REV1: variants seen among roughly 807,000 people sequenced by gnomAD.
REV1 encodes translesion synthesis protein REV1.
In REV1, 42 loss-of-function variants were observed where a neutral mutation model predicts 137.4. That is an observed-to-expected ratio of 0.31 (90% CI 0.24 to 0.40). REV1 has a LOEUF of 0.40. Among genes scored for constraint, REV1 ranks in the 10% least tolerant of loss-of-function variants. The pLI is 1.00. For synonymous variants in REV1, 524 were observed against 519.2 expected, an observed-to-expected ratio of 1.01 and a Z score of -0.12; for missense variants, 1,282 against 1,490.1, an observed-to-expected ratio of 0.86 and a Z score of 2.30.
At chr2:99,487,978 G>A (rs1468064076) in intron 1 of REV1, among the ~76,000 whole-genome samples, 1 of 118,632 alleles carries the variant, frequency 8.4e-6, no homozygotes, top group East Asian at 2.2e-4. Context: ...AGCTACCCAA[G>A]GTGGGAAATG....
At chr2:99,415,989 A>T (rs1022750600) in intron 12 of REV1, among the ~76,000 whole-genome samples, 1 of 152,274 alleles carries the variant, frequency 6.6e-6, no homozygotes, top group South Asian at 2.1e-4. Context: ...CACAATTATT[A>T]TTCTGTGGAG....
intron 19 of REV1, 39 bp downstream of exon 19, chr2:99,403,656 T>C (rs1285313231): frequency 6.2e-7 from 1 of 1,613,630 alleles, no homozygotes; most frequent in African/African-American, 1.3e-5. Context: ...CCATTACTCT[T>C]TGTCTTCATT....
intron 11 of REV1, among the ~76,000 whole-genome samples, chr2:99,420,274 G>A (rs761772291): frequency 3.3e-5 from 5 of 152,272 alleles, no homozygotes; most frequent in East Asian, 1.9e-4. Context: ...CCTGCTGGCT[G>A]GGGAGAGACT....
rs745379675 is a variant in REV1, at chr2:99,403,723, G to C, written c.3138C>G (p.Ser1046Arg). The change falls in exon 19 of 23, where the codon AGC becomes AGG. Residue 1046 changes from serine (S) to arginine (R), a missense_variant. Around this residue, in one of 7 missense-constraint regions of REV1, gnomAD observed 170 missense variants for 156.8 expected, o/e 1.08. Coordinates refer to ENST00000258428, the MANE Select transcript of REV1 (RefSeq NM_016316.4). ...ATGCGCTGGCTGACTGCTGGTGAGT[G>C]CTGTTCTCGCCCTGCCTTTGTCTTT... is the stretch of plus-strand genomic sequence containing the variant. ...YDQRQRQGEN[S>R]THQQSASASV... is the part of the protein sequence containing the mutation. The C allele has an allele frequency of 6.2e-7, 1 of 1,614,164 alleles. No individual in the cohort carries two copies. Among genetic ancestry groups the C allele is most frequent in the Non-Finnish European group, 8.5e-7 (1 of 1,180,018 alleles).
At chr2:99,420,388 C>A (rs1050394675) in intron 11 of REV1, among the ~76,000 whole-genome samples, 7 of 152,214 alleles carry the variant, frequency 4.6e-5, no homozygotes, top group African/African-American at 1.7e-4. Context: ...TGTCCCAGGG[C>A]CAGCTACCAG....
intron 20 of REV1, 37 bp from the exon 21 acceptor site, chr2:99,402,837 C>A (rs368434155): frequency 1.2e-6 from 2 of 1,613,228 alleles, no homozygotes; most frequent in Non-Finnish European, 1.7e-6. Context: ...GCTATATTCA[C>A]ACATTATCCA....
intron 1 of REV1, among the ~76,000 whole-genome samples, chr2:99,474,478 A>C (rs536464265): frequency 6.6e-6 from 1 of 152,250 alleles, no homozygotes; most frequent in Non-Finnish European, 1.5e-5. Context: ...ACACAATTCA[A>C]CAAAACAGAT....
At chr2:99,408,356 G>A (rs1676633562) in intron 14 of REV1, 1 of 353,968 alleles carries the variant, frequency 2.8e-6, no homozygotes, top group Admixed American at 4.7e-5. Context: ...AGAACTTTAA[G>A]GTAAAAACCG....
At chr2:99,462,205 C>T (rs949061487) in intron 3 of REV1, among the ~76,000 whole-genome samples, 1 of 152,166 alleles carries the variant, frequency 6.6e-6, no homozygotes, top group African/African-American at 2.4e-5. Flanking sequence ...AATGGACCTA[C>T]AGTGAAGCTC....
intron 4 of REV1, among the ~76,000 whole-genome samples, chr2:99,447,935 C>CTCGATCTCTTGACCTTGTGA (rs1300653766): frequency 6.6e-6 from 1 of 151,436 alleles, no homozygotes; most frequent in Non-Finnish European, 1.5e-5. Flanking sequence ...CCAAGCTGGT[C>CTCGATCTCTTGACCTTGTGA]TCTGCCCACC....
intron 12 of REV1, among the ~76,000 whole-genome samples, chr2:99,413,960 A>G (rs1677515897): frequency 3.3e-5 from 5 of 152,174 alleles, no homozygotes. Flanking sequence ...TTTGAGGACA[A>G]CATGGGCAAC....
chr2:99,459,395 T>TA (rs907157559), intron 3 of REV1, among the ~76,000 whole-genome samples: 1 of 151,198 alleles, frequency 6.6e-6, no homozygotes, highest in Non-Finnish European at 1.5e-5. Flanking sequence ...TACAATTATC[T>TA]AAAAAAAAAT....
chr2:99,474,456 T>C (rs1685749589), intron 1 of REV1, among the ~76,000 whole-genome samples: 1 of 152,246 alleles, frequency 6.6e-6, no homozygotes, highest in Admixed American at 6.5e-5. Flanking sequence ...CCTATTGATC[T>C]GAAGTAACCT....
intron 18 of REV1, 28 bp downstream of exon 18, chr2:99,404,416 C>T: frequency 6.5e-7 from 1 of 1,549,000 alleles, no homozygotes; most frequent in Non-Finnish European, 8.8e-7. Context: ...ATTGAAACTA[C>T]AGCAGAGGGT....
intron 12 of REV1, among the ~76,000 whole-genome samples, chr2:99,413,946 T>G (rs919935372): frequency 3.3e-5 from 5 of 152,068 alleles, no homozygotes; most frequent in Non-Finnish European, 5.9e-5. Flanking sequence ...GCCAACAGTC[T>G]GAGTTTGAGG....
At chr2:99,421,944 A>C (rs566819827) in intron 10 of REV1, among the ~76,000 whole-genome samples, 1 of 152,320 alleles carries the variant, frequency 6.6e-6, no homozygotes, top group Admixed American at 6.5e-5. Context: ...AACACAGCAT[A>C]AATTATTATT....
chr2:99,402,739 G>T lies in REV1; in HGVS notation c.3446C>A (p.Ala1149Asp), dbSNP rs373922489. 1 of 1,614,176 alleles carries T rather than the reference G, an allele frequency of 6.2e-7. No individual in the cohort carries two copies. The highest frequency in any genetic ancestry group is 1.3e-5 in the African/African-American group (1 of 75,052). The change falls in exon 21 of 23, where the codon GCT becomes GAT. Residue 1149 changes from alanine to aspartate, a missense_variant. By Grantham distance (126) the Ala-to-Asp change is moderately radical (BLOSUM62 -2). Around this residue, in one of 7 missense-constraint regions of REV1, gnomAD observed 170 missense variants for 156.8 expected, o/e 1.08. Coordinates refer to ENST00000258428, the MANE Select transcript of REV1 (RefSeq NM_016316.4). ...PGLSSLQSDP[A>D]GCVRPPAPNL... ...GGGTGCTGGAGGTCTCACACAGCCA[G>T]CTGGGTCAGACTGCAAACTAGAAAG...
intron 3 of REV1, among the ~76,000 whole-genome samples, chr2:99,454,155 T>TGA (rs1193887185): frequency 2.0e-5 from 3 of 151,902 alleles, no homozygotes; most frequent in African/African-American, 4.8e-5. Context: ...TTTGGGAGGC[T>TGA]GAGGCAGGAG....
In REV1 at chr2:99,466,197, G is replaced by A. The variant is rs562131709; in HGVS notation, c.-10-1212C>T. Among the ~76,000 whole-genome samples, 294 of 151,902 alleles carry A rather than the reference G, an allele frequency of 1.9e-3. 3 individuals are homozygous for A. Among genetic ancestry groups the A allele is most frequent in the African/African-American group, 2.9e-4 (12 of 41,434 alleles). ...CCATCTCCTGACCTCGTGATCCGCC[G>A]GCCTCTGCCTCCCAAAGTGCTGGGA... On this transcript the variant is annotated intron_variant, in intron 1 of 22. Coordinates refer to ENST00000258428, the MANE Select transcript of REV1 (RefSeq NM_016316.4).
Sources: allele counts gnomAD v4.1 joint callset (sites outside exome capture counted in the v4.1 genomes callset), GRCh38; gene constraint gnomAD v4.1.1; regional missense constraint gnomAD v4.1.1; transcripts MANE v1.5; gene names NCBI Gene and HGNC (gene_info 2026-07-23, HGNC 2026-07-21).